The following CDH8 variants were observed in gnomAD, a reference collection of about 807,000 sequenced individuals.
The protein encoded by CDH8 is cadherin 8.
A neutral mutation model predicts 68.1 loss-of-function variants in CDH8; 17 were observed. The ratio of observed to expected loss-of-function variants is 0.25; its 90% CI spans 0.17 to 0.37. The LOEUF (loss-of-function observed/expected upper bound fraction) is 0.37, where lower values mean the gene tolerates loss of function less well. Ranked by LOEUF, CDH8 falls within the 10% of genes least tolerant of loss-of-function variation. CDH8 has a pLI of 1.00. For synonymous variants in CDH8, 372 were observed against 365.1 expected (o/e 1.02, Z -0.21); for missense variants, 763 against 999.3 (o/e 0.76, Z 3.19).
Position 61,960,262 on chromosome 16 carries a change from T to C in CDH8, c.253-58789A>G, listed in dbSNP as rs1339690167. Among the ~76,000 whole-genome samples, 3 of 102,026 alleles carry C rather than the reference T, an allele frequency of 2.9e-5. 1 individual carries two copies. The highest frequency in any genetic ancestry group is 5.4e-5 in the Non-Finnish European group (3 of 55,792). The allele number at this position is 102,026 out of a possible 152,430, so 66.9% of individuals were successfully genotyped here. Reference sequence around the variant, plus strand: ...ACATGTGTGTGTGTATACACATACATATATACGTGTGTGTGTATACACACA... The same window carrying C: ...ACATGTGTGTGTGTATACACATACACATATACGTGTGTGTGTATACACACA... On this transcript the variant is annotated intron_variant, in intron 2 of 11. Coordinates refer to ENST00000577390, the MANE Select transcript of CDH8 (RefSeq NM_001796.5).
At chr16:61,861,159 G>C (rs1029808825) in intron 3 of CDH8, among the ~76,000 whole-genome samples, 2 of 152,058 alleles carry the variant, frequency 1.3e-5, no homozygotes, top group African/African-American at 2.4e-5. Context: ...CCAGATCTAT[G>C]GAATAATAAA....
chr16:61,974,989 C>T (rs956794523), intron 2 of CDH8, among the ~76,000 whole-genome samples: 14 of 152,228 alleles, frequency 9.2e-5, no homozygotes, highest in African/African-American at 3.1e-4. Context: ...TCTGACATGA[C>T]CTTTAGAGTA....
chr16:61,728,552 G>A (rs1175567640), intron 8 of CDH8, among the ~76,000 whole-genome samples: 1 of 150,886 alleles, frequency 6.6e-6, no homozygotes, highest in African/African-American at 2.4e-5. Flanking sequence ...TCTTCATTCA[G>A]GGAGGAAACA....
chr16:61,885,711 C>CAAAAAAAAA (rs5817322), intron 3 of CDH8, among the ~76,000 whole-genome samples: 1 of 116,474 alleles, frequency 8.6e-6, no homozygotes, highest in Non-Finnish European at 1.9e-5. Flanking sequence ...AATAGCAATC[C>CAAAAAAAAA]AAAAAAAAAA....
chr16:61,851,313 G>A (rs1962932905), intron 4 of CDH8, among the ~76,000 whole-genome samples: 1 of 151,720 alleles, frequency 6.6e-6, no homozygotes, highest in Non-Finnish European at 1.5e-5. Context: ...GACAAATGTT[G>A]TTTGTACCCA....
chr16:61,738,184 A>ACC (rs1263289803), intron 8 of CDH8, among the ~76,000 whole-genome samples: 3 of 152,094 alleles, frequency 2.0e-5, no homozygotes, highest in Non-Finnish European at 4.4e-5. Context: ...AGTGACTCTT[A>ACC]AACAGTGACT....
intron 7 of CDH8, among the ~76,000 whole-genome samples, chr16:61,812,203 C>G (rs768929457): frequency 1.4e-4 from 22 of 152,262 alleles, no homozygotes; most frequent in Non-Finnish European, 2.6e-4. Context: ...AATATTTTCA[C>G]TTTAGCATCC....
At chr16:61,818,093 G>A (rs1962121890) in intron 6 of CDH8, 1 of 177,104 alleles carries the variant, frequency 5.6e-6, no homozygotes, top group Admixed American at 5.5e-5. Context: ...TCAGGCCTCT[G>A]CTGGTGGGAG....
intron 8 of CDH8, among the ~76,000 whole-genome samples, chr16:61,759,729 C>CA (rs1458368570): frequency 2.0e-5 from 3 of 152,158 alleles, no homozygotes; most frequent in Non-Finnish European, 2.9e-5. Context: ...TTTAAAATCT[C>CA]AGAGTGTTTT....
intron 2 of CDH8, among the ~76,000 whole-genome samples, chr16:61,919,277 C>T (rs1368118977): frequency 2.7e-5 from 4 of 148,312 alleles, no homozygotes; most frequent in Admixed American, 6.9e-5. Flanking sequence ...TCCAAAGGAA[C>T]GCAGTTCCTC....
chr16:61,720,185 C>A (rs1365252266), intron 9 of CDH8, among the ~76,000 whole-genome samples: 3 of 150,916 alleles, frequency 2.0e-5, no homozygotes, highest in Non-Finnish European at 4.5e-5. Flanking sequence ...ATGGTTACAG[C>A]CATGTTACCA....
intron 3 of CDH8, among the ~76,000 whole-genome samples, chr16:61,882,719 T>G (rs1963600594): frequency 6.6e-6 from 1 of 152,066 alleles, no homozygotes; most frequent in Admixed American, 6.6e-5. Flanking sequence ...TGGGGCCTAT[T>G]GGAGGGTGAA....
chr16:61,782,676 C>A (rs1189598088), intron 8 of CDH8, among the ~76,000 whole-genome samples: 2 of 152,252 alleles, frequency 1.3e-5, no homozygotes, highest in Admixed American at 1.3e-4. Flanking sequence ...CCTCTGCAGA[C>A]TTAAATGTCC....
At chr16:61,738,441 T>C (rs1196314432) in intron 8 of CDH8, among the ~76,000 whole-genome samples, 2 of 152,142 alleles carry the variant, frequency 1.3e-5, no homozygotes, top group East Asian at 1.9e-4. Flanking sequence ...CTCACAAGAA[T>C]TGACATCTTG....
chr16:61,901,128 C>T (rs1414701685), intron 3 of CDH8, 51 bp downstream of exon 3: 2 of 1,456,906 alleles, frequency 1.4e-6, no homozygotes, highest in African/African-American at 1.4e-5. Context: ...ATGCCAGGAG[C>T]TATTCTAAAG....
chr16:61,811,166 G>A (rs762337904), intron 7 of CDH8, among the ~76,000 whole-genome samples: 1 of 151,982 alleles, frequency 6.6e-6, no homozygotes, highest in Non-Finnish European at 1.5e-5. Flanking sequence ...CAAAATGTAG[G>A]TTCAGCTGAC....
chr16:61,685,448 G>A (rs912494273), intron 10 of CDH8, among the ~76,000 whole-genome samples: 1 of 151,828 alleles, frequency 6.6e-6, no homozygotes, highest in African/African-American at 2.4e-5. Flanking sequence ...TGCTGAGAGA[G>A]GAAACAGCAC....
At chr16:61,841,806 A>G (rs905106783) in intron 4 of CDH8, among the ~76,000 whole-genome samples, 2 of 152,176 alleles carry the variant, frequency 1.3e-5, no homozygotes, top group African/African-American at 4.8e-5. Flanking sequence ...CTATGTACCC[A>G]TGAAATTTTA....
rs546118109 is a variant in CDH8, at chr16:61,784,252, C to G, written c.1414+5094G>C. Among the ~76,000 whole-genome samples, 1,421 of 151,714 alleles carry G rather than the reference C, an allele frequency of 9.4e-3. 24 individuals carry two copies. The highest frequency in any genetic ancestry group is 0.032 in the African/African-American group (1,333 of 41,330). ...AAAGGATGGAGGAAGATCTACCAAG[C>G]AAATGGAAAACAAAAAAAGGCAGGG... On this transcript the variant is annotated intron_variant, in intron 8 of 11. Transcript: ENST00000577390.
Sources: allele counts gnomAD v4.1 joint callset (sites outside exome capture counted in the v4.1 genomes callset), GRCh38; gene constraint gnomAD v4.1.1; transcripts MANE v1.5; gene names NCBI Gene and HGNC (gene_info 2026-07-23, HGNC 2026-07-21).